Variants in DNM3 observed in about 807,000 individuals in gnomAD.
The protein encoded by DNM3 is dynamin-3.
DNM3 carries 47 observed loss-of-function variants against 101.6 expected under a neutral mutation model. That is an observed-to-expected ratio of 0.46 (90% CI 0.37 to 0.59). The LOEUF is 0.59. Ranked by LOEUF, DNM3 falls within the 20% of genes least tolerant of loss-of-function variation. The probability of loss-of-function intolerance (pLI) is 0.00; values close to 1 mark genes in which losing one functional copy is unlikely to be tolerated. For missense variants in DNM3, 849 were observed against 1,085.7 expected (o/e 0.78, Z 3.06); for synonymous variants, 385 against 387.9 (o/e 0.99, Z 0.09).
At chr1:171,873,801 A>C (rs1392146366) in intron 1 of DNM3, among the ~76,000 whole-genome samples, 1 of 152,170 alleles carries the variant, frequency 6.6e-6, no homozygotes, top group Non-Finnish European at 1.5e-5. Flanking sequence ...TTTTCCCCTC[A>C]ATGACAATAA....
chr1:172,295,567 C>T (rs9425272), intron 15 of DNM3, among the ~76,000 whole-genome samples: 1,861 of 151,824 alleles, frequency 0.012, 27 homozygotes, highest in African/African-American at 0.043. Flanking sequence ...TATATATATA[C>T]AAAAGTGAAT....
intron 14 of DNM3, among the ~76,000 whole-genome samples, chr1:172,155,680 T>A (rs937250083): frequency 2.2e-4 from 34 of 152,074 alleles, no homozygotes; most frequent in African/African-American, 7.7e-4. Context: ...CCATGAACAT[T>A]TATCAGACGC....
At chr1:171,904,945 G>A (rs2038694312) in intron 1 of DNM3, among the ~76,000 whole-genome samples, 1 of 152,158 alleles carries the variant, frequency 6.6e-6, no homozygotes, top group South Asian at 2.1e-4. Flanking sequence ...AGTGACTACA[G>A]GCCTTGCCTA....
At chr1:172,248,894 CAT>C (rs2062059321) in intron 14 of DNM3, among the ~76,000 whole-genome samples, 2 of 152,088 alleles carry the variant, frequency 1.3e-5, no homozygotes, top group Non-Finnish European at 2.9e-5. Context: ...TTATGCCTAG[CAT>C]CATGCTAGGC....
At chr1:172,188,073 A>G (rs1450520866) in intron 14 of DNM3, among the ~76,000 whole-genome samples, 1 of 152,088 alleles carries the variant, frequency 6.6e-6, no homozygotes, top group Non-Finnish European at 1.5e-5. Flanking sequence ...TTCCAAAAGT[A>G]TGTGTGTGTA....
intron 20 of DNM3, among the ~76,000 whole-genome samples, chr1:172,391,114 G>T (rs2069504779): frequency 6.6e-6 from 1 of 152,180 alleles, no homozygotes; most frequent in African/African-American, 2.4e-5. Flanking sequence ...GGCTTAATGA[G>T]ACTACATTAG....
intron 14 of DNM3, among the ~76,000 whole-genome samples, chr1:172,232,941 G>A (rs2061394213): frequency 6.6e-6 from 1 of 152,144 alleles, no homozygotes; most frequent in Non-Finnish European, 1.5e-5. Context: ...AAGCAGGAAA[G>A]ATCTAAAATT....
chr1:171,847,847 A>G (rs1339424243), intron 1 of DNM3, among the ~76,000 whole-genome samples: 5 of 151,780 alleles, frequency 3.3e-5, no homozygotes, highest in Non-Finnish European at 1.5e-5. Context: ...CATTTCCAAC[A>G]AATTAGAGGG....
intron 14 of DNM3, among the ~76,000 whole-genome samples, chr1:172,160,900 T>C (rs2058523022): frequency 6.6e-6 from 1 of 151,978 alleles, no homozygotes; most frequent in Non-Finnish European, 1.5e-5. Context: ...TATGAACCCA[T>C]AGGAATTTTT....
At chr1:171,983,204 C>T (rs2044946977) in intron 2 of DNM3, among the ~76,000 whole-genome samples, 1 of 152,048 alleles carries the variant, frequency 6.6e-6, no homozygotes, top group Admixed American at 6.6e-5. Context: ...CCTATAATCC[C>T]AGCACTTTCA....
intron 1 of DNM3, 130 bp downstream of exon 1, chr1:171,841,947 T>A: frequency 2.0e-5 from 5 of 247,132 alleles, no homozygotes; most frequent in East Asian, 2.3e-4. Flanking sequence ...GGGGGCAGAG[T>A]GGAATGGGGG....
chr1:172,337,839 CATTTTATTTT>C (rs770458024), intron 17 of DNM3, among the ~76,000 whole-genome samples: 6 of 143,508 alleles, frequency 4.2e-5, no homozygotes, highest in African/African-American at 1.3e-4. Flanking sequence ...TGGGAGTATT[CATTTTATTTT>C]ATTTTATTTT....
intron 20 of DNM3, among the ~76,000 whole-genome samples, chr1:172,400,739 A>T (rs1257006121): frequency 6.6e-6 from 1 of 152,310 alleles, no homozygotes; most frequent in South Asian, 2.1e-4. Flanking sequence ...CTGTTTCATG[A>T]CTTTATTAGG....
intron 14 of DNM3, among the ~76,000 whole-genome samples, chr1:172,178,271 GA>G (rs1412783552): frequency 6.6e-6 from 1 of 151,680 alleles, no homozygotes. Flanking sequence ...ATAAGAAGAA[GA>G]AAAAAATCCA....
At chr1:172,044,906 GTGT>G (rs753557135) in intron 9 of DNM3, among the ~76,000 whole-genome samples, 5 of 152,158 alleles carry the variant, frequency 3.3e-5, no homozygotes, top group South Asian at 4.1e-4. Context: ...AGGCCAGGAG[GTGT>G]TGTGTGTGCA....
intron 2 of DNM3, among the ~76,000 whole-genome samples, chr1:171,941,818 T>A (rs1258546774): frequency 6.6e-6 from 1 of 152,216 alleles, no homozygotes; most frequent in Admixed American, 6.5e-5. Context: ...TGCTATCATT[T>A]TCTAATTATG....
At chr1:171,914,818 T>A (rs1044058781) in intron 1 of DNM3, among the ~76,000 whole-genome samples, 2 of 152,046 alleles carry the variant, frequency 1.3e-5, no homozygotes, top group African/African-American at 4.8e-5. Context: ...GTAGAAAGTG[T>A]AAAAAATATT....
At chr1:172,317,685 C>A (rs967484594) in intron 16 of DNM3, among the ~76,000 whole-genome samples, 11 of 152,252 alleles carry the variant, frequency 7.2e-5, no homozygotes, top group African/African-American at 2.4e-4. Flanking sequence ...CAAGACTAAA[C>A]CAGGAAGAAG....
At chr1:172,095,390 T>A in intron 13 of DNM3, among the ~76,000 whole-genome samples, 1 of 152,244 alleles carries the variant, frequency 6.6e-6, no homozygotes, top group East Asian at 1.9e-4. Context: ...CAAGGGATTA[T>A]GAACTAGAAT....
Sources: allele counts gnomAD v4.1 joint callset (sites outside exome capture counted in the v4.1 genomes callset), GRCh38; gene constraint gnomAD v4.1.1; transcripts MANE v1.5; gene names NCBI Gene and HGNC (gene_info 2026-07-23, HGNC 2026-07-21).